The following CLIP1 variants were observed in gnomAD, a reference collection of about 807,000 sequenced individuals.
CLIP1 encodes the protein CAP-Gly domain-containing linker protein 1.
In CLIP1, 66 loss-of-function variants were observed where a neutral mutation model predicts 161.6. That is an observed-to-expected ratio of 0.41 (90% CI 0.33 to 0.50). The LOEUF (loss-of-function observed/expected upper bound fraction) is 0.50, where lower values mean the gene tolerates loss of function less well. Among genes scored for constraint, CLIP1 ranks in the 20% least tolerant of loss-of-function variants. The pLI, the probability that CLIP1 is intolerant of heterozygous loss-of-function variation, is 0.27. For synonymous variants in CLIP1, 598 were observed against 626.2 expected (o/e 0.96, Z 0.67); for missense variants, 1,376 against 1,702.0 (o/e 0.81, Z 3.37).
At chr12:122,316,567 C>CT (rs1353886924) in intron 19 of CLIP1, among the ~76,000 whole-genome samples, 182 bp downstream of exon 19, 3 of 152,144 alleles carry the variant, frequency 2.0e-5, no homozygotes, top group African/African-American at 7.2e-5. Flanking sequence ...CATTCTGATC[C>CT]TTTAACTTAG....
intron 3 of CLIP1, among the ~76,000 whole-genome samples, chr12:122,372,424 A>G (rs1363432991): frequency 5.3e-5 from 8 of 151,698 alleles, no homozygotes; most frequent in Non-Finnish European, 2.9e-5. Flanking sequence ...TAAAGAAAAA[A>G]AAAAAAAATT....
At chr12:122,345,176 C>CTTTT (rs559964564) in intron 10 of CLIP1, among the ~76,000 whole-genome samples, 1 of 141,580 alleles carries the variant, frequency 7.1e-6, no homozygotes, top group Non-Finnish European at 1.6e-5. Context: ...CAAATTGCCA[C>CTTTT]TTTTTTTTTT....
chr12:122,288,934 G>A (rs1335838313), intron 20 of CLIP1, among the ~76,000 whole-genome samples: 1 of 148,212 alleles, frequency 6.7e-6, no homozygotes, highest in East Asian at 2.0e-4. Context: ...TCCTGCCTCA[G>A]CCTCCCGAGT....
At chr12:122,373,959 T>G (rs1254461243) in intron 3 of CLIP1, among the ~76,000 whole-genome samples, 1 of 152,200 alleles carries the variant, frequency 6.6e-6, no homozygotes, top group Non-Finnish European at 1.5e-5. Flanking sequence ...TAAATTATAG[T>G]TATTTAAGGT....
chr12:122,374,314 AC>A (rs1025375498), intron 3 of CLIP1, among the ~76,000 whole-genome samples: 4 of 142,698 alleles, frequency 2.8e-5, no homozygotes, highest in African/African-American at 1.0e-4. Flanking sequence ...TACTAAAAAT[AC>A]AAAAAAAAAA....
chr12:122,422,230 A>G (rs944292405), intron 1 of CLIP1, among the ~76,000 whole-genome samples: 2 of 152,000 alleles, frequency 1.3e-5, no homozygotes, highest in African/African-American at 4.8e-5. Flanking sequence ...AAGGAGTCCA[A>G]GCTCCATCTT....
chr12:122,307,626 T>C (rs557386582), intron 20 of CLIP1, among the ~76,000 whole-genome samples: 24 of 152,318 alleles, frequency 1.6e-4, no homozygotes, highest in Admixed American at 3.3e-4. Flanking sequence ...AGCTGATCAA[T>C]AGTCTGACTT....
chr12:122,351,151 T>TA lies in CLIP1; in HGVS notation c.1369-9dup, dbSNP rs1436122659. ...AGAAATCTGGCTCTTTTGCTATCAGTAAAAAAATAAAAAAAATTAAACAAC... is the reference window on the plus strand; with the variant it reads ...AGAAATCTGGCTCTTTTGCTATCAGTAAAAAAAATAAAAAAAATTAAACAAC... On this transcript the variant is annotated splice_polypyrimidine_tract_variant and intron_variant, in intron 8 of 25. Transcript: ENST00000620786. The TA allele has an allele frequency of 1.2e-5, 17 of 1,457,174 alleles. No individual in the cohort carries two copies. The highest frequency in any genetic ancestry group is 2.7e-5 in the South Asian group (2 of 73,292). The allele number at this position is 1,457,174 out of a possible 1,614,324, so 90.3% of individuals were successfully genotyped here.
At chr12:122,387,570 ATATATATATATATATATATATTT>A (rs1169436167) in intron 1 of CLIP1, among the ~76,000 whole-genome samples, 65 of 9,322 alleles carry the variant, frequency 7.0e-3, no homozygotes, top group South Asian at 0.027. Flanking sequence ...ATATATATAT[ATATATATATATATATATATATTT>A]TTTTTTTTTT....
intron 4 of CLIP1, among the ~76,000 whole-genome samples, chr12:122,361,785 T>C (rs1953831349): frequency 6.6e-6 from 1 of 152,110 alleles, no homozygotes; most frequent in African/African-American, 2.4e-5. Context: ...AACCCGAGAT[T>C]GCACCACTGT....
At chr12:122,305,322 T>C (rs1251048548) in intron 20 of CLIP1, among the ~76,000 whole-genome samples, 1 of 152,184 alleles carries the variant, frequency 6.6e-6, no homozygotes. Flanking sequence ...TCCCAGCTAC[T>C]GGGGAGCCTG....
intron 1 of CLIP1, among the ~76,000 whole-genome samples, chr12:122,408,498 GCCA>G (rs1956412223): frequency 6.6e-6 from 1 of 151,730 alleles, no homozygotes; most frequent in Admixed American, 6.6e-5. Flanking sequence ...ACAGGCGCCT[GCCA>G]CCACACCAGG....
intron 1 of CLIP1, among the ~76,000 whole-genome samples, chr12:122,412,324 G>C (rs1956568553): frequency 6.7e-6 from 1 of 149,598 alleles, no homozygotes; most frequent in East Asian, 2.0e-4. Flanking sequence ...GGGATTACAG[G>C]GGTGAGCCAC....
At chr12:122,297,517 T>G (rs991868872) in intron 20 of CLIP1, among the ~76,000 whole-genome samples, 5 of 152,158 alleles carry the variant, frequency 3.3e-5, no homozygotes, top group Non-Finnish European at 7.3e-5. Context: ...GCCAGGATTC[T>G]CACAGAATGA....
At chr12:122,321,018 T>TTAAATAAA (rs56780235) in intron 17 of CLIP1, among the ~76,000 whole-genome samples, 5,934 of 144,998 alleles carry the variant, frequency 0.041, 216 homozygotes, top group African/African-American at 0.09. Context: ...AGACTCTGTC[T>TTAAATAAA]TAAATAAATA....
At chr12:122,281,692 C>T (rs1231014890) in intron 21 of CLIP1, among the ~76,000 whole-genome samples, 1 of 150,978 alleles carries the variant, frequency 6.6e-6, no homozygotes, top group African/African-American at 2.4e-5. Flanking sequence ...CCAGCCTGGG[C>T]AACAGAGCAA....
At chr12:122,376,228 C>T (rs545777288) in intron 3 of CLIP1, among the ~76,000 whole-genome samples, 3 of 152,182 alleles carry the variant, frequency 2.0e-5, no homozygotes, top group East Asian at 3.9e-4. Flanking sequence ...TGAGCCACCC[C>T]GCCCGGCCAA....
chr12:122,343,058 C>T (rs1952577169), intron 10 of CLIP1: 1 of 151,646 alleles, frequency 6.6e-6, no homozygotes, highest in Non-Finnish European at 1.5e-5. Flanking sequence ...TCTAAAATTA[C>T]CTATCAAATG....
At chr12:122,345,048 A>G (rs1022114839) in intron 10 of CLIP1, among the ~76,000 whole-genome samples, 5 of 149,180 alleles carry the variant, frequency 3.4e-5, no homozygotes, top group African/African-American at 1.2e-4. Context: ...AGAGGAGTTT[A>G]CATGTTTTAA....
Sources: gnomAD v4.1 joint callset for allele counts (sites outside exome capture counted in the v4.1 genomes callset) on GRCh38, gnomAD v4.1.1 for gene constraint, MANE v1.5 for transcripts, NCBI Gene and HGNC (gene_info 2026-07-23, HGNC 2026-07-21) for gene names.